TNNI3K: variants seen among roughly 807,000 people sequenced by gnomAD.
TNNI3K encodes TNNI3 interacting kinase, also known as serine/threonine-protein kinase TNNI3K.
In TNNI3K, 140 loss-of-function variants were observed where a neutral mutation model predicts 114.5. That is an observed-to-expected ratio of 1.22 (90% confidence interval 1.07 to 1.41). The LOEUF (loss-of-function observed/expected upper bound fraction) is 1.41, where lower values mean the gene tolerates loss of function less well. TNNI3K is among the 40% of genes most tolerant of loss of function. The pLI is 0.00. For missense variants in TNNI3K, 1,125 were observed against 1,007.6 expected, an observed-to-expected ratio of 1.12 and a Z score of -1.58; for synonymous variants, 347 against 347.5, an observed-to-expected ratio of 1.00 and a Z score of 0.02.
chr1:74,453,809 A>G (rs1336699205), intron 20 of TNNI3K, among the ~76,000 whole-genome samples: 1 of 152,212 alleles, frequency 6.6e-6, no homozygotes, highest in Non-Finnish European at 1.5e-5. Context: ...ATAAGAAATC[A>G]CGTGCTCTGA....
At chr1:74,404,390 T>C (rs1664514718) in intron 17 of TNNI3K, among the ~76,000 whole-genome samples, 1 of 152,148 alleles carries the variant, frequency 6.6e-6, no homozygotes. Flanking sequence ...TCATACCCAG[T>C]TTCTCTTAAC....
At chr1:74,503,652 T>G (rs1420424024) in intron 23 of TNNI3K, among the ~76,000 whole-genome samples, 2 of 152,200 alleles carry the variant, frequency 1.3e-5, no homozygotes, top group Non-Finnish European at 2.9e-5. Context: ...TGAACGTCAG[T>G]TATCAAGCTC....
At chr1:74,530,731 T>A (rs1449825125) in intron 23 of TNNI3K, among the ~76,000 whole-genome samples, 2 of 151,932 alleles carry the variant, frequency 1.3e-5, no homozygotes, top group African/African-American at 4.8e-5. Flanking sequence ...AAGTTTTTTT[T>A]TTTTTTTTCC....
At chr1:74,405,664 T>C (rs1479479961) in intron 17 of TNNI3K, among the ~76,000 whole-genome samples, 1 of 152,132 alleles carries the variant, frequency 6.6e-6, no homozygotes, top group Admixed American at 6.6e-5. Flanking sequence ...TTAAAGAGGC[T>C]AGTTAGATGG....
intron 17 of TNNI3K, among the ~76,000 whole-genome samples, chr1:74,409,013 C>A (rs919800595): frequency 1.3e-5 from 2 of 151,520 alleles, no homozygotes; most frequent in Non-Finnish European, 2.9e-5. Flanking sequence ...AAAATAGAGT[C>A]TTCTTAAAGG....
In TNNI3K at chr1:74,250,772, A is replaced by C. The variant is rs2100847853; in HGVS notation, c.333+3A>C. ...CCTTGCATTTAGCAGTTTACAAGGT[A>C]GGACACTTTAATTCCCATAAACACT... On this transcript the variant is annotated splice_donor_region_variant and intron_variant, in intron 4 of 24. Transcript: ENST00000326637. 2 of 1,605,068 alleles carry C rather than the reference A, an allele frequency of 1.2e-6. No homozygotes were observed. Among genetic ancestry groups the C allele is most frequent in the Non-Finnish European group, 1.7e-6 (2 of 1,175,960 alleles).
chr1:74,492,371 A>T lies in TNNI3K; in HGVS notation c.2351+105A>T, dbSNP rs572251309. ...ATTAACAGGGTTTGATTACCCCCTG[A>T]AAAACTTTGAAAGAGGAGTTTTCAG... On this transcript the variant is annotated intron_variant, in intron 23 of 24. Coordinates refer to ENST00000326637, the MANE Select transcript of TNNI3K (RefSeq NM_015978.3). 3.8e-6 allele frequency: 5 copies of T among 1,304,722 alleles called. No homozygotes were observed. The African/African-American group carries it at 6.0e-5, about 16-fold the overall frequency. The allele number at this position is 1,304,722 out of a possible 1,614,324, so 80.8% of individuals were successfully genotyped here. A position where few individuals can be genotyped will look rare whatever the true frequency, so the allele number is the denominator to read the frequency against.
chr1:74,453,771 A>G (rs994905585), intron 20 of TNNI3K, among the ~76,000 whole-genome samples: 5 of 152,184 alleles, frequency 3.3e-5, no homozygotes, highest in Admixed American at 6.5e-5. Context: ...AGGACCATGC[A>G]GATGCTCAAG....
At chr1:74,318,373 T>A (rs147947837) in intron 5 of TNNI3K, among the ~76,000 whole-genome samples, 382 of 152,338 alleles carry the variant, frequency 2.5e-3, no homozygotes, top group Admixed American at 4.8e-3. Context: ...AGCCTCAGTG[T>A]GACTCTTAGG....
At chr1:74,466,151 G>A (rs760104119) in intron 21 of TNNI3K, among the ~76,000 whole-genome samples, 10 of 152,154 alleles carry the variant, frequency 6.6e-5, no homozygotes, top group Admixed American at 2.0e-4. Flanking sequence ...AACAAACTCC[G>A]GACACGCCAT....
chr1:74,450,901 A>G (rs998476576), intron 20 of TNNI3K, among the ~76,000 whole-genome samples: 3 of 152,198 alleles, frequency 2.0e-5, no homozygotes, highest in African/African-American at 7.2e-5. Flanking sequence ...TACTGGGTAT[A>G]TACCCAAAGG....
At chr1:74,489,294 T>C in intron 22 of TNNI3K, 46 bp downstream of exon 22, 1 of 1,581,170 alleles carries the variant, frequency 6.3e-7, no homozygotes, top group Non-Finnish European at 8.6e-7. Flanking sequence ...AAGCCCTGCA[T>C]ATCCAAGGCT....
At chr1:74,517,841 C>T (rs1049854650) in intron 23 of TNNI3K, among the ~76,000 whole-genome samples, 12 of 152,178 alleles carry the variant, frequency 7.9e-5, no homozygotes, top group African/African-American at 2.9e-4. Flanking sequence ...GCTGGGCCCA[C>T]TACCAGAGTT....
chr1:74,492,764 C>A (rs1669143743), intron 23 of TNNI3K, among the ~76,000 whole-genome samples: 1 of 152,124 alleles, frequency 6.6e-6, no homozygotes, highest in Non-Finnish European at 1.5e-5. Context: ...TGGAAACAAC[C>A]CAAAAGTCCA....
chr1:74,364,918 C>G (rs1269580979), intron 11 of TNNI3K, among the ~76,000 whole-genome samples: 1 of 152,086 alleles, frequency 6.6e-6, no homozygotes, highest in Non-Finnish European at 1.5e-5. Context: ...CCATGTTGAA[C>G]TTTTGACCTC....
chr1:74,324,626 C>G (rs551440609), intron 5 of TNNI3K, among the ~76,000 whole-genome samples: 2 of 152,200 alleles, frequency 1.3e-5, no homozygotes, highest in African/African-American at 4.8e-5. Flanking sequence ...GGCAGCACAC[C>G]TTACAGGGCC....
chr1:74,436,252 G>A (rs1666124492), intron 18 of TNNI3K, 120 bp downstream of exon 18: 2 of 1,310,640 alleles, frequency 1.5e-6, no homozygotes, highest in African/African-American at 3.0e-5. Flanking sequence ...ACTGAACACT[G>A]ACAGCTATCC....
At chr1:74,257,599 T>C (rs981082993) in intron 4 of TNNI3K, among the ~76,000 whole-genome samples, 1 of 151,666 alleles carries the variant, frequency 6.6e-6, no homozygotes, top group Non-Finnish European at 1.5e-5. Flanking sequence ...ATCAAATCAG[T>C]CTTGATTTGA....
At chr1:74,247,917 G>T (rs1005683547) in intron 2 of TNNI3K, among the ~76,000 whole-genome samples, 17 of 152,166 alleles carry the variant, frequency 1.1e-4, no homozygotes, top group African/African-American at 2.9e-4. Flanking sequence ...TCAGCCCTTG[G>T]GTGGTGGATG....
Sources: gnomAD v4.1 joint callset for allele counts (sites outside exome capture counted in the v4.1 genomes callset) on GRCh38, gnomAD v4.1.1 for gene constraint, MANE v1.5 for transcripts, NCBI Gene and HGNC (gene_info 2026-07-23, HGNC 2026-07-21) for gene names.